GLIS3: variants seen among roughly 807,000 people sequenced by gnomAD.
GLIS3 encodes the protein GLIS family zinc finger 3.
GLIS3 carries 53 observed loss-of-function variants against 78.6 expected under a neutral mutation model. That is an observed-to-expected ratio of 0.67 (90% confidence interval 0.54 to 0.85). The LOEUF (loss-of-function observed/expected upper bound fraction) is 0.85. GLIS3 is among the 40% of genes least tolerant of loss of function. The probability of loss-of-function intolerance (pLI) is 0.00; values close to 1 mark genes in which losing one functional copy is unlikely to be tolerated. For synonymous variants in GLIS3, 684 were observed against 509.9 expected, an observed-to-expected ratio of 1.34 and a Z score of -4.60; for missense variants, 1,703 against 1,231.1, an observed-to-expected ratio of 1.38 and a Z score of -5.74.
At chr9:3,842,560 C>G (rs1265446070) in intron 9 of GLIS3, among the ~76,000 whole-genome samples, 1 of 152,138 alleles carries the variant, frequency 6.6e-6, no homozygotes, top group Non-Finnish European at 1.5e-5. Flanking sequence ...TTTGGGTTAT[C>G]TCCGACTGGG....
chr9:4,241,725 C>T (rs748220619), intron 2 of GLIS3, among the ~76,000 whole-genome samples: 2 of 152,038 alleles, frequency 1.3e-5, no homozygotes, highest in Non-Finnish European at 2.9e-5. Context: ...CTGGAATGTC[C>T]AGGCTGGAAT....
At chr9:3,922,482 G>A (rs893237856) in intron 6 of GLIS3, among the ~76,000 whole-genome samples, 1 of 152,106 alleles carries the variant, frequency 6.6e-6, no homozygotes, top group Admixed American at 6.5e-5. Context: ...GATAGGCATC[G>A]CTTATGTAAT....
chr9:4,226,599 C>G (rs1278482708), intron 2 of GLIS3, among the ~76,000 whole-genome samples: 2 of 152,162 alleles, frequency 1.3e-5, no homozygotes, highest in Admixed American at 1.3e-4. Flanking sequence ...CTTCCTGCTT[C>G]CTTCTGAAGT....
chr9:4,406,024 G>C, the GLIS3 span, among the ~76,000 whole-genome samples: 1 of 152,116 alleles, frequency 6.6e-6, no homozygotes. Flanking sequence ...ATCTCTTCAT[G>C]ATAAAAACCC....
intron 2 of GLIS3, among the ~76,000 whole-genome samples, chr9:4,265,135 G>T (rs565695286): frequency 6.9e-6 from 1 of 143,992 alleles, no homozygotes; most frequent in Non-Finnish European, 1.5e-5. Flanking sequence ...TCACGCCACT[G>T]CACTCCAAAC....
intron 2 of GLIS3, among the ~76,000 whole-genome samples, chr9:4,179,528 C>G (rs1817108453): frequency 6.6e-6 from 1 of 152,174 alleles, no homozygotes; most frequent in South Asian, 2.1e-4. Flanking sequence ...TTTGGAAACA[C>G]TATTTATTAA....
At chr9:4,203,727 T>C (rs535209506) in intron 2 of GLIS3, among the ~76,000 whole-genome samples, 1 of 152,094 alleles carries the variant, frequency 6.6e-6, no homozygotes, top group East Asian at 1.9e-4. Context: ...CAGTGGTGGA[T>C]GGGATAAAGA....
intron 4 of GLIS3, among the ~76,000 whole-genome samples, chr9:4,085,223 C>T (rs899020428): frequency 3.9e-5 from 6 of 151,980 alleles, no homozygotes; most frequent in African/African-American, 7.2e-5. Context: ...ACTGTCATTC[C>T]GCCTTTATAA....
At chr9:4,319,355 C>A (rs1043060693) in intron 2 of GLIS3, among the ~76,000 whole-genome samples, 10 of 152,144 alleles carry the variant, frequency 6.6e-5, no homozygotes, top group Non-Finnish European at 1.2e-4. Context: ...AGAAACAGAA[C>A]TCAAATGTGG....
At chr9:3,988,233 A>G (rs1819931404) in intron 4 of GLIS3, among the ~76,000 whole-genome samples, 1 of 152,220 alleles carries the variant, frequency 6.6e-6, no homozygotes, top group Non-Finnish European at 1.5e-5. Context: ...CTCAATGAAG[A>G]AAAAGACTCT....
intron 2 of GLIS3, among the ~76,000 whole-genome samples, chr9:4,193,404 T>C (rs1818507814): frequency 6.6e-6 from 1 of 152,228 alleles, no homozygotes; most frequent in Non-Finnish European, 1.5e-5. Flanking sequence ...AGAAACCATA[T>C]GGCCTAAGAA....
chr9:3,894,485 C>T (rs2130570224), intron 7 of GLIS3, among the ~76,000 whole-genome samples: 1 of 152,168 alleles, frequency 6.6e-6, no homozygotes, highest in South Asian at 2.1e-4. Flanking sequence ...AAACATGTAC[C>T]ATAAAATTAC....
the GLIS3 span, among the ~76,000 whole-genome samples, chr9:4,456,524 T>C: frequency 3.9e-5 from 6 of 152,364 alleles, no homozygotes; most frequent in East Asian, 1.2e-3. Context: ...ATCACTTGTG[T>C]GTTCACTGCA....
intron 4 of GLIS3, among the ~76,000 whole-genome samples, chr9:4,019,232 T>C (rs1822675787): frequency 6.6e-6 from 1 of 152,182 alleles, no homozygotes; most frequent in Admixed American, 6.5e-5. Flanking sequence ...AACGGTGCTC[T>C]CATCTTTGTG....
chr9:4,342,561 T>C (rs115372076), intron 2 of GLIS3, among the ~76,000 whole-genome samples: 2,093 of 152,318 alleles, frequency 0.014, 57 homozygotes, highest in African/African-American at 0.048. Context: ...TTGCTTAGAA[T>C]TGCTGTGGCT....
intron 2 of GLIS3, among the ~76,000 whole-genome samples, chr9:4,283,911 A>C (rs943635850): frequency 2.0e-5 from 3 of 152,206 alleles, no homozygotes; most frequent in Admixed American, 2.0e-4. Flanking sequence ...TGCATGTGCC[A>C]ACCATGCAGA....
chr9:4,316,069 G>A (rs1426712696), intron 2 of GLIS3, among the ~76,000 whole-genome samples: 2 of 152,132 alleles, frequency 1.3e-5, no homozygotes, highest in Non-Finnish European at 2.9e-5. Context: ...GCATATCTAT[G>A]TATGTATGTA....
At chr9:4,267,366 T>G (rs574201824) in intron 2 of GLIS3, among the ~76,000 whole-genome samples, 12 of 152,258 alleles carry the variant, frequency 7.9e-5, no homozygotes, top group African/African-American at 2.6e-4. Flanking sequence ...GAAAAGACCA[T>G]CCTCTCATGG....
chr9:3,962,751 G>A (rs116597925), intron 4 of GLIS3, among the ~76,000 whole-genome samples: 1 of 152,162 alleles, frequency 6.6e-6, no homozygotes, highest in African/African-American at 2.4e-5. Context: ...AGATTCAGCT[G>A]AGTGCTAATG....
Sources: gnomAD v4.1 joint callset for allele counts (sites outside exome capture counted in the v4.1 genomes callset) on GRCh38, gnomAD v4.1.1 for gene constraint, MANE v1.5 for transcripts, NCBI Gene and HGNC (gene_info 2026-07-23, HGNC 2026-07-21) for gene names.